The following FAM219A variants were observed in gnomAD, a reference collection of about 807,000 sequenced individuals.
FAM219A encodes family with sequence similarity 219 member A, also known as protein FAM219A.
In FAM219A, 7 loss-of-function variants were observed where a neutral mutation model predicts 23.4. The ratio of observed to expected loss-of-function variants is 0.30; its 90% CI spans 0.17 to 0.56. FAM219A has a LOEUF of 0.56. Ranked by LOEUF, FAM219A falls within the 20% of genes least tolerant of loss-of-function variation. The probability of loss-of-function intolerance (pLI) is 0.92; values close to 1 mark genes in which losing one functional copy is unlikely to be tolerated. For missense variants in FAM219A, 166 were observed against 246.9 expected, an observed-to-expected ratio of 0.67 and a Z score of 2.20; for synonymous variants, 93 against 99.0, an observed-to-expected ratio of 0.94 and a Z score of 0.36.
intron 1 of FAM219A, among the ~76,000 whole-genome samples, chr9:34,443,639 C>T (rs1029536016): frequency 2.6e-5 from 4 of 152,246 alleles, no homozygotes; most frequent in Non-Finnish European, 2.9e-5. Flanking sequence ...TGCCTGAAAG[C>T]GGTTAGGAGG....
intron 1 of FAM219A, among the ~76,000 whole-genome samples, chr9:34,449,717 T>A (rs1053889688): frequency 6.6e-6 from 1 of 152,188 alleles, no homozygotes; most frequent in Non-Finnish European, 1.5e-5. Context: ...TGTTAACAGA[T>A]GTAACATGAA....
intron 1 of FAM219A, among the ~76,000 whole-genome samples, chr9:34,449,529 A>G (rs545892707): frequency 1.9e-4 from 29 of 152,374 alleles, no homozygotes; most frequent in African/African-American, 7.0e-4. Context: ...AGACCCTGAA[A>G]CAAATCAGCA....
At chr9:34,423,710 G>T (rs1275490258) in intron 1 of FAM219A, among the ~76,000 whole-genome samples, 1 of 152,180 alleles carries the variant, frequency 6.6e-6, no homozygotes, top group African/African-American at 2.4e-5. Context: ...AGGGAGGCTA[G>T]ATAAAGGTCA....
chr9:34,438,016 G>A (rs949033080), intron 1 of FAM219A, among the ~76,000 whole-genome samples: 5 of 152,228 alleles, frequency 3.3e-5, no homozygotes, highest in Non-Finnish European at 4.4e-5. Context: ...CCCCGCACTC[G>A]GAGCAGCCGG....
rs928030764 is a variant in FAM219A at position 34,417,014 on chromosome 9, T to G, written c.61-11050A>C. On this transcript the variant is annotated intron_variant, in intron 1 of 5. Transcript: ENST00000651358. This position sits in a 1 kb window ranked among gnomAD's most constrained non-coding sequence, Gnocchi z 4.1. Reference sequence around the variant, plus strand: ...AGCTTTATCTTCTCCTTCTTCCTTCTTCCTTCTTCCCTCTTCCCTCCTCCT... The same window carrying G: ...AGCTTTATCTTCTCCTTCTTCCTTCGTCCTTCTTCCCTCTTCCCTCCTCCT... 6.6e-6 allele frequency among the ~76,000 whole-genome samples: 1 copy of G among 151,864 alleles called. No homozygotes were observed. The highest frequency in any genetic ancestry group is 2.1e-4 in the South Asian group (1 of 4,778).
Position 34,400,873 on chromosome 9 carries a change from G to A in FAM219A, c.*91C>T. 1.5e-6 allele frequency: 2 copies of A among 1,346,216 alleles called. No individual in the cohort carries two copies. Among genetic ancestry groups the A allele is most frequent in the African/African-American group, 1.5e-5 (1 of 66,220 alleles). The allele number at this position is 1,346,216 out of a possible 1,614,324, so 83.4% of individuals were successfully genotyped here. A position where few individuals can be genotyped will look rare whatever the true frequency, so the allele number is the denominator to read the frequency against. On this transcript the variant is annotated 3_prime_UTR_variant, in exon 6 of 6. Transcript: ENST00000651358. ...GCGGCTGTAGGGGCGCGGGGCCGGG[G>A]GCAGGCAGACGAGCTGGGAAGGGGT...
intron 2 of FAM219A, among the ~76,000 whole-genome samples, chr9:34,404,735 ACAAC>A (rs1300692524): frequency 2.6e-5 from 4 of 151,524 alleles, no homozygotes; most frequent in Admixed American, 6.6e-5. Flanking sequence ...AACAACAACA[ACAAC>A]CAACACCCCT....
intron 1 of FAM219A, among the ~76,000 whole-genome samples, chr9:34,413,258 TA>T (rs999860705): frequency 6.6e-6 from 1 of 151,686 alleles, no homozygotes; most frequent in Non-Finnish European, 1.5e-5. Context: ...AGTTCCTTCC[TA>T]AAAAAAACTC....
intron 1 of FAM219A, among the ~76,000 whole-genome samples, chr9:34,408,116 T>C (rs1334020825): frequency 1.3e-5 from 2 of 152,222 alleles, no homozygotes; most frequent in Admixed American, 1.3e-4. Flanking sequence ...TCCCTAGCCC[T>C]TAGCCTTGAC....
Position 34,400,854 on chromosome 9 carries a change from G to A in FAM219A, c.*110C>T. 1 of 1,172,414 alleles carries A rather than the reference G, an allele frequency of 8.5e-7. No individual in the cohort carries two copies. The highest frequency in any genetic ancestry group is 1.1e-6 in the Non-Finnish European group (1 of 870,972). 72.6% of individuals were successfully genotyped at this position (1,172,414 alleles called of 1,614,324 possible). A position where few individuals can be genotyped will look rare whatever the true frequency, so the allele number is the denominator to read the frequency against. ...TGACTGTTATACGAGGTTGGCGGCT[G>A]TAGGGGCGCGGGGCCGGGGGCAGGC... On this transcript the variant is annotated 3_prime_UTR_variant, in exon 6 of 6. Transcript: ENST00000651358.
intron 1 of FAM219A, among the ~76,000 whole-genome samples, chr9:34,453,058 G>T (rs1823612480): frequency 6.6e-6 from 1 of 152,158 alleles, no homozygotes; most frequent in Non-Finnish European, 1.5e-5. Flanking sequence ...GAACAAACCT[G>T]ATCCTCAGTT....
At chr9:34,423,076 G>A (rs1822338360) in intron 1 of FAM219A, among the ~76,000 whole-genome samples, 1 of 152,124 alleles carries the variant, frequency 6.6e-6, no homozygotes, top group South Asian at 2.1e-4. Context: ...GGCTGAGGTG[G>A]GAGGATCACT....
chr9:34,416,969 A>C (rs1167006494), intron 1 of FAM219A, among the ~76,000 whole-genome samples: 1 of 152,040 alleles, frequency 6.6e-6, no homozygotes, highest in East Asian at 1.9e-4. Flanking sequence ...CTGGGATTAC[A>C]GGTACATGTC....
At chr9:34,432,191 G>A (rs1212179789) in intron 1 of FAM219A, among the ~76,000 whole-genome samples, 1 of 152,142 alleles carries the variant, frequency 6.6e-6, no homozygotes, top group Non-Finnish European at 1.5e-5. Flanking sequence ...ATCACTTTCT[G>A]CCTTTGTGCC....
rs1243640406 is a variant in FAM219A, at chr9:34,457,478, G to GA, written c.60+725dup. ...GACTTCAGGCACGTAGGCCTAAGAT[G>GA]ATGGGGGCTCTTCCCAACCAGTGCG... On this transcript the variant is annotated intron_variant, in intron 1 of 5. Coordinates refer to ENST00000651358, the MANE Select transcript of FAM219A (RefSeq NM_001184940.2). This position sits in a 1 kb window ranked among gnomAD's most constrained non-coding sequence, Gnocchi z 5.1. 1 of 152,566 alleles carries GA rather than the reference G, an allele frequency of 6.6e-6. No homozygotes were observed. The highest frequency in any genetic ancestry group is 1.5e-5 in the Non-Finnish European group (1 of 68,212). 9.5% of individuals were successfully genotyped at this position (152,566 alleles called of 1,614,324 possible). A position where few individuals can be genotyped will look rare whatever the true frequency, so the allele number is the denominator to read the frequency against.
intron 1 of FAM219A, among the ~76,000 whole-genome samples, chr9:34,437,036 C>T (rs1385253032): frequency 6.6e-6 from 1 of 152,178 alleles, no homozygotes; most frequent in African/African-American, 2.4e-5. Context: ...CCAAAAGGAA[C>T]TTGGGATGTG....
chr9:34,458,148 T>C lies in FAM219A; in HGVS notation c.60+56A>G. 185 of 1,178,088 alleles carry C rather than the reference T, an allele frequency of 1.6e-4. No homozygotes were observed. Among genetic ancestry groups the C allele is most frequent in the Admixed American group, 1.1e-3 (44 of 39,924 alleles). 73.0% of individuals were successfully genotyped at this position (1,178,088 alleles called of 1,614,324 possible). A position where few individuals can be genotyped will look rare whatever the true frequency, so the allele number is the denominator to read the frequency against. On this transcript the variant is annotated intron_variant, in intron 1 of 5. Coordinates refer to ENST00000651358, the MANE Select transcript of FAM219A (RefSeq NM_001184940.2). This position sits in a 1 kb window ranked among gnomAD's most constrained non-coding sequence, Gnocchi z 6.6. ...GATCCCCCCGGCCTGATTCCCTCCCTCCCCCTCAAGCGACGCCCCCTCCGG... is the reference window on the plus strand; with the variant it reads ...GATCCCCCCGGCCTGATTCCCTCCCCCCCCCTCAAGCGACGCCCCCTCCGG...
chr9:34,428,786 G>A (rs1445045330), intron 1 of FAM219A, among the ~76,000 whole-genome samples: 1 of 152,194 alleles, frequency 6.6e-6, no homozygotes, highest in Non-Finnish European at 1.5e-5. Flanking sequence ...CTTGGGATCT[G>A]GCAAAGTCCT....
intron 1 of FAM219A, among the ~76,000 whole-genome samples, chr9:34,451,133 C>T (rs562234180): frequency 1.3e-3 from 192 of 152,300 alleles, no homozygotes; most frequent in African/African-American, 4.4e-3. Context: ...TCTACCCTCT[C>T]TCCCAGGCCA....
Sources: gnomAD v4.1 joint callset for allele counts (sites outside exome capture counted in the v4.1 genomes callset) on GRCh38, gnomAD v4.1.1 for gene constraint, Gnocchi (gnomAD v3.1) non-coding constraint, MANE v1.5 for transcripts, NCBI Gene and HGNC (gene_info 2026-07-23, HGNC 2026-07-21) for gene names.